The following WWC2 variants were observed in gnomAD, a reference collection of about 807,000 sequenced individuals.
WWC2 encodes the protein protein WWC2.
A neutral mutation model predicts 138.5 loss-of-function variants in WWC2; 101 were observed. The observed-to-expected ratio is 0.73, with a 90% CI of 0.62 to 0.86. The LOEUF (loss-of-function observed/expected upper bound fraction) is 0.86. Among genes scored for constraint, WWC2 ranks in the 40% least tolerant of loss-of-function variants. The pLI is 0.00. For synonymous variants in WWC2, 558 were observed against 538.4 expected, an observed-to-expected ratio of 1.04 and a Z score of -0.50; for missense variants, 1,420 against 1,419.4, an observed-to-expected ratio of 1.00 and a Z score of -0.01.
chr4:183,174,265 G>A (rs962799281), intron 1 of WWC2, among the ~76,000 whole-genome samples: 2 of 152,208 alleles, frequency 1.3e-5, no homozygotes, highest in Non-Finnish European at 2.9e-5. Flanking sequence ...TTGGGCAAAG[G>A]CAGGCAGGGG....
chr4:183,251,566 C>T (rs1040760957), intron 8 of WWC2, among the ~76,000 whole-genome samples: 1 of 152,206 alleles, frequency 6.6e-6, no homozygotes, highest in African/African-American at 2.4e-5. Flanking sequence ...ATTTGGAACA[C>T]TCCTTCTAAA....
intron 4 of WWC2, among the ~76,000 whole-genome samples, chr4:183,213,802 A>G (rs1735674547): frequency 6.6e-6 from 1 of 152,202 alleles, no homozygotes; most frequent in East Asian, 1.9e-4. Context: ...TTTTTAAGGA[A>G]GAAGAATATA....
chr4:183,272,521 A>T (rs1211678770), intron 16 of WWC2, among the ~76,000 whole-genome samples: 1 of 152,194 alleles, frequency 6.6e-6, no homozygotes, highest in African/African-American at 2.4e-5. Context: ...TGTGTGTGCA[A>T]CCAACTTTAC....
chr4:183,224,623 C>T lies in WWC2; in HGVS notation c.523-15560C>T, dbSNP rs146613036. On this transcript the variant is annotated intron_variant, in intron 4 of 22. Transcript: ENST00000403733. ...TCACCCAGGATGGAGTGCACTGGCG[C>T]CATCTCAGCTCACTGCAACCCCTAC... Among the ~76,000 whole-genome samples the T allele has an allele frequency of 1.3e-3, 194 of 152,248 alleles. 1 individual carries two copies. The highest frequency in any genetic ancestry group is 4.6e-3 in the African/African-American group (189 of 41,538).
chr4:183,278,704 A>T (rs1234862444), intron 16 of WWC2, among the ~76,000 whole-genome samples: 1 of 151,998 alleles, frequency 6.6e-6, no homozygotes, highest in Non-Finnish European at 1.5e-5. Context: ...ATCACTTGTA[A>T]GTTGGATTCC....
rs376753155 is a variant in WWC2, at chr4:183,289,729, G to A, written c.3384+94G>A. ...TACCCAACTTACACTTCTGTTTTGC[G>A]CATAAGTCTTTAGATGTTTTACTAC... On this transcript the variant is annotated intron_variant, in intron 21 of 22. Transcript: ENST00000403733. 38 of 1,513,838 alleles carry A rather than the reference G, an allele frequency of 2.5e-5. No homozygotes were observed. The African/African-American group carries it at 2.9e-4, about 12-fold the overall frequency. The allele number at this position is 1,513,838 out of a possible 1,614,324, so 93.8% of individuals were successfully genotyped here.
At chr4:183,186,048 C>T (rs1003421219) in intron 1 of WWC2, among the ~76,000 whole-genome samples, 3 of 150,740 alleles carry the variant, frequency 2.0e-5, no homozygotes, top group African/African-American at 7.3e-5. Flanking sequence ...CCCGGGTTCA[C>T]GCCATTCTCC....
chr4:183,292,378 C>T (rs1391798070), intron 21 of WWC2, among the ~76,000 whole-genome samples: 1 of 151,506 alleles, frequency 6.6e-6, no homozygotes, highest in Non-Finnish European at 1.5e-5. Flanking sequence ...AGCGTGGTGG[C>T]ACACAGCTAT....
intron 2 of WWC2, among the ~76,000 whole-genome samples, chr4:183,203,291 C>T (rs535979655): frequency 6.6e-6 from 1 of 151,690 alleles, no homozygotes; most frequent in South Asian, 2.1e-4. Context: ...AGAGTTATCC[C>T]TCCTTTTCCT....
intron 4 of WWC2, among the ~76,000 whole-genome samples, chr4:183,226,276 T>G (rs1405554308): frequency 6.6e-6 from 1 of 151,944 alleles, no homozygotes; most frequent in Non-Finnish European, 1.5e-5. Context: ...TTTTGTATTT[T>G]ATGTAGAGAC....
At chr4:183,107,382 A>T (rs1343955897) in intron 1 of WWC2, among the ~76,000 whole-genome samples, 1 of 152,064 alleles carries the variant, frequency 6.6e-6, no homozygotes, top group Non-Finnish European at 1.5e-5. Context: ...TTTTGACCTC[A>T]AGTGATCTGC....
intron 1 of WWC2, among the ~76,000 whole-genome samples, chr4:183,116,636 GAA>G (rs1162067263): frequency 6.6e-6 from 1 of 152,208 alleles, no homozygotes. Flanking sequence ...GGATTTAGCT[GAA>G]GTTTCATCAC....
At chr4:183,165,949 G>A (rs1274015052) in intron 1 of WWC2, among the ~76,000 whole-genome samples, 9 of 152,224 alleles carry the variant, frequency 5.9e-5, no homozygotes, top group Non-Finnish European at 1.3e-4. Flanking sequence ...AGTCCCCAGA[G>A]TAGTAACTTG....
At chr4:183,269,337 T>G in intron 15 of WWC2, 174 bp downstream of exon 15, 1 of 745,350 alleles carries the variant, frequency 1.3e-6, no homozygotes, top group African/African-American at 1.8e-5. Context: ...CTGTTTATTC[T>G]CTTATTCCAG....
chr4:183,271,042 C>T (rs1310404790), intron 15 of WWC2, 38 bp from the exon 16 acceptor site: 2 of 1,437,998 alleles, frequency 1.4e-6, no homozygotes, highest in Non-Finnish European at 1.8e-6. Flanking sequence ...ATTTTCTCTT[C>T]CTTATTTTTT....
chr4:183,141,976 CAAAG>C (rs1285009601), intron 1 of WWC2, among the ~76,000 whole-genome samples: 3 of 152,062 alleles, frequency 2.0e-5, no homozygotes, highest in Non-Finnish European at 4.4e-5. Context: ...AAGTAACAGA[CAAAG>C]AAATACATAG....
chr4:183,209,343 T>A (rs931046754), intron 4 of WWC2, among the ~76,000 whole-genome samples: 1 of 152,184 alleles, frequency 6.6e-6, no homozygotes, highest in African/African-American at 2.4e-5. Flanking sequence ...TTCTCCCGCC[T>A]CAGCCTCCAG....
intron 4 of WWC2, among the ~76,000 whole-genome samples, chr4:183,232,524 C>T (rs1237437399): frequency 6.6e-6 from 1 of 152,164 alleles, no homozygotes; most frequent in Non-Finnish European, 1.5e-5. Context: ...GCATCGTATA[C>T]TGTGTGATCA....
In WWC2 at chr4:183,154,960, C is replaced by T. The variant is rs183701488; in HGVS notation, c.132-38639C>T. Among the ~76,000 whole-genome samples, 501 of 152,282 alleles carry T rather than the reference C, an allele frequency of 3.3e-3. 5 individuals carry two copies. The highest frequency in any genetic ancestry group is 0.014 in the Middle Eastern group (4 of 294). On this transcript the variant is annotated intron_variant, in intron 1 of 22. Coordinates refer to ENST00000403733, the MANE Select transcript of WWC2 (RefSeq NM_024949.6). ...TTTAAGCACTAAATTCCTTTGACACCGCCTTGCTCTCGCAGCTGCTCTGTC... is the reference window on the plus strand; with the variant it reads ...TTTAAGCACTAAATTCCTTTGACACTGCCTTGCTCTCGCAGCTGCTCTGTC...
Sources: allele counts gnomAD v4.1 joint callset (sites outside exome capture counted in the v4.1 genomes callset), GRCh38; gene constraint gnomAD v4.1.1; transcripts MANE v1.5; gene names NCBI Gene and HGNC (gene_info 2026-07-23, HGNC 2026-07-21).